SIRT2: variants seen among roughly 807,000 people sequenced by gnomAD.
The protein encoded by SIRT2 is sirtuin 2, also known as NAD-dependent protein deacetylase sirtuin-2.
In SIRT2, 40 loss-of-function variants were observed where a neutral mutation model predicts 57.4. The ratio of observed to expected loss-of-function variants is 0.70; its 90% confidence interval spans 0.54 to 0.91. The LOEUF is 0.91. SIRT2 is among the 40% of genes least tolerant of loss of function. The pLI is 0.00. For synonymous variants in SIRT2, 161 were observed against 195.7 expected, an observed-to-expected ratio of 0.82 and a Z score of 1.48; for missense variants, 439 against 510.4, an observed-to-expected ratio of 0.86 and a Z score of 1.35.
In SIRT2 at chr19:38,880,030, G is replaced by C; in HGVS notation, c.877-328C>G. On this transcript the variant is annotated intron_variant, in intron 13 of 15. Transcript: ENST00000249396. The surrounding 1 kb of genome is among the most constrained non-coding windows in gnomAD (Gnocchi z 4.1). ...AGTAGAGACGGGGTTTCACCATGTTGGTCAGGCTGGTCTCGAACTCCTGAC... is the reference window on the plus strand; with the variant it reads ...AGTAGAGACGGGGTTTCACCATGTTCGTCAGGCTGGTCTCGAACTCCTGAC... 3.8e-6 allele frequency: 1 copy of C among 261,582 alleles called. No homozygotes were observed. The highest frequency in any genetic ancestry group is 7.4e-6 in the Non-Finnish European group (1 of 134,264). The allele number at this position is 261,582 out of a possible 1,614,324, so 16.2% of individuals were successfully genotyped here. A position where few individuals can be genotyped will look rare whatever the true frequency, so the allele number is the denominator to read the frequency against.
chr19:38,899,527 C>T lies in SIRT2; in HGVS notation c.-6G>A, dbSNP rs376254464. ...TCACGGTCTGGCTCTGCCATGGGCGCGGTGCTGAAGCCCTTGAGGCTGTCA... is the reference window on the plus strand; with the variant it reads ...TCACGGTCTGGCTCTGCCATGGGCGTGGTGCTGAAGCCCTTGAGGCTGTCA... On this transcript the variant is annotated 5_prime_UTR_variant, in exon 1 of 16. Transcript: ENST00000249396. 7 of 1,613,802 alleles carry T rather than the reference C, an allele frequency of 4.3e-6. No homozygotes were observed. Among genetic ancestry groups the T allele is most frequent in the South Asian group, 1.1e-5 (1 of 91,082 alleles).
chr19:38,891,275 C>G (rs1429095692), intron 4 of SIRT2, among the ~76,000 whole-genome samples: 1 of 152,120 alleles, frequency 6.6e-6, no homozygotes, highest in East Asian at 1.9e-4. Context: ...AGGGCCGGGC[C>G]CGGTGGCTCA....
Position 38,880,692 on chromosome 19 carries a change from G to T in SIRT2, c.869C>A (p.Ala290Asp). Reference protein sequence around the residue: ...TPRLLINKEKAGQSDPFLGMI... With the variant: ...TPRLLINKEKDGQSDPFLGMI... ...TTGAAGAAGGGCTCTTACCTGGCCAGCTTTCTCCTTGTTGATGAGCAGGCG... is the reference window on the plus strand; with the variant it reads ...TTGAAGAAGGGCTCTTACCTGGCCATCTTTCTCCTTGTTGATGAGCAGGCG... The change falls in exon 13 of 16, where the codon GCT becomes GAT. Residue 290 changes from alanine to aspartate, a missense_variant. Ala to Asp is a moderately radical substitution (Grantham distance 126). Coordinates refer to ENST00000249396, the MANE Select transcript of SIRT2 (RefSeq NM_012237.4). This position sits in a 1 kb window ranked among gnomAD's most constrained non-coding sequence, Gnocchi z 4.1. 1 of 1,572,154 alleles carries T rather than the reference G, an allele frequency of 6.4e-7. No individual in the cohort carries two copies. The highest frequency in any genetic ancestry group is 1.8e-5 in the Admixed American group (1 of 54,908).
intron 8 of SIRT2, among the ~76,000 whole-genome samples, chr19:38,887,749 T>TTTTG (rs559006715): frequency 6.6e-6 from 1 of 152,066 alleles, no homozygotes; most frequent in South Asian, 2.1e-4. Flanking sequence ...TACCACTCTT[T>TTTTG]TTTGTTTGTT....
intron 8 of SIRT2, among the ~76,000 whole-genome samples, chr19:38,884,827 G>A (rs1212783811): frequency 1.3e-5 from 2 of 152,048 alleles, no homozygotes; most frequent in African/African-American, 4.8e-5. Flanking sequence ...GCTCACTGCA[G>A]CCTCCAACTC....
At chr19:38,884,919 G>A (rs1304389208) in intron 8 of SIRT2, among the ~76,000 whole-genome samples, 2 of 150,748 alleles carry the variant, frequency 1.3e-5, no homozygotes, top group African/African-American at 2.4e-5. Context: ...GTCTCACTAT[G>A]TTGCCCAGGC....
rs1235101358 is a variant in SIRT2 at position 38,879,721 on chromosome 19, G to A, written c.877-19C>T. ...GGTCCGACTGTCAGGGAGGGGGTGG[G>A]TCAGGGGCAGGAGCAGGGAAGGGAG... On this transcript the variant is annotated intron_variant, in intron 13 of 15. Coordinates refer to ENST00000249396, the MANE Select transcript of SIRT2 (RefSeq NM_012237.4). The A allele has an allele frequency of 2.6e-6, 4 of 1,553,840 alleles. No homozygotes were observed. The highest frequency in any genetic ancestry group is 2.7e-5 in the African/African-American group (2 of 73,330).
chr19:38,898,543 G>C, intron 1 of SIRT2, 118 bp from the exon 2 acceptor site: 1 of 444,726 alleles, frequency 2.2e-6, no homozygotes, highest in Non-Finnish European at 4.0e-6. Flanking sequence ...ACTGGGATGG[G>C]ATGGTGGTAA....
At position 38,878,896 on chromosome 19, in the gene SIRT2, A is replaced by G. The variant is rs1973024536; in HGVS notation, c.*259T>C. 9.8e-6 allele frequency: 4 copies of G among 408,602 alleles called. No homozygotes were observed. Among genetic ancestry groups the G allele is most frequent in the Non-Finnish European group, 1.7e-5 (4 of 232,084 alleles). 25.3% of individuals were successfully genotyped at this position (408,602 alleles called of 1,614,324 possible). On this transcript the variant is annotated 3_prime_UTR_variant, in exon 16 of 16. Coordinates refer to ENST00000249396, the MANE Select transcript of SIRT2 (RefSeq NM_012237.4). ...GGGGCAGTTAGAGATGAGGGAGGTT[A>G]CTCCTTAGCCCAGGAGTGGTTAGAG...
At chr19:38,889,411 C>T in intron 7 of SIRT2, 1 of 693,844 alleles carries the variant, frequency 1.4e-6, no homozygotes. Context: ...AGCCCGGCTG[C>T]AGGGTCCCGG....
At chr19:38,888,968 G>GCCCCGCATTGCTGGAGT in intron 8 of SIRT2, 119 bp downstream of exon 8, 1 of 847,108 alleles carries the variant, frequency 1.2e-6, no homozygotes, top group South Asian at 1.5e-5. Context: ...CCAAGCCCTG[G>GCCCCGCATTGCTGGAGT]CCCCGCATTG....
intron 7 of SIRT2, chr19:38,889,430 C>G: frequency 1.5e-6 from 1 of 672,336 alleles, no homozygotes; most frequent in Admixed American, 2.3e-5. Context: ...GGGCTCTCAA[C>G]GGCATCATTA....
intron 8 of SIRT2, among the ~76,000 whole-genome samples, chr19:38,885,285 G>C (rs1303513307): frequency 2.0e-5 from 3 of 151,648 alleles, no homozygotes; most frequent in Non-Finnish European, 2.9e-5. Flanking sequence ...TTGTAGAGAT[G>C]GGGGGTGGGG....
chr19:38,889,566 TG>T (rs1164718397), intron 7 of SIRT2, 122 bp downstream of exon 7: 1 of 1,107,418 alleles, frequency 9.0e-7, no homozygotes, highest in Non-Finnish European at 1.3e-6. Context: ...CGAGGCAGTC[TG>T]GGCCCAGCAC....
chr19:38,885,033 T>G (rs1003498610), intron 8 of SIRT2, among the ~76,000 whole-genome samples: 10 of 152,140 alleles, frequency 6.6e-5, no homozygotes, highest in Non-Finnish European at 1.3e-4. Flanking sequence ...TCCCCTTTAG[T>G]AGCCAGGGTC....
rs1197160520 is a variant in SIRT2, at chr19:38,878,917, TAG to T, written c.*236_*237del. On this transcript the variant is annotated 3_prime_UTR_variant, in exon 16 of 16. Transcript: ENST00000249396. ...GGTTACTCCTTAGCCCAGGAGTGGTTAGAGACAGTGGGGCTGGTAGAGATGCC... is the reference window on the plus strand; with the variant it reads ...GGTTACTCCTTAGCCCAGGAGTGGTTAGACAGTGGGGCTGGTAGAGATGCC... 2 of 493,686 alleles carry T rather than the reference TAG, an allele frequency of 4.1e-6. No homozygotes were observed. Among genetic ancestry groups the T allele is most frequent in the Non-Finnish European group, 7.1e-6 (2 of 282,816 alleles). The allele number at this position is 493,686 out of a possible 1,614,324, so 30.6% of individuals were successfully genotyped here. A position where few individuals can be genotyped will look rare whatever the true frequency, so the allele number is the denominator to read the frequency against.
chr19:38,889,887 G>C lies in SIRT2; in HGVS notation c.343C>G (p.Pro115Ala), dbSNP rs1973470796. 6.2e-7 allele frequency: 1 copy of C among 1,614,146 alleles called. No homozygotes were observed. Among genetic ancestry groups the C allele is most frequent in the Non-Finnish European group, 8.5e-7 (1 of 1,179,978 alleles). ...DNLEKYHLPY[P>A]EAIFEISYFK... is the part of the protein sequence containing the mutation. ...TAGCTGATCTCAAAGATGGCCTCTG[G>C]GTAGGGAAGATGGTACTTCTCTAGG... Residue 115 changes from proline to alanine, a missense_variant, in exon 6 of 16, where the codon CCA (proline) becomes GCA (alanine). Pro to Ala is a conservative substitution (Grantham distance 27, BLOSUM62 -1). Transcript: ENST00000249396.
At chr19:38,881,254 G>A (rs904511762) in intron 10 of SIRT2, 99 bp from the exon 11 acceptor site, 24 of 1,278,938 alleles carry the variant, frequency 1.9e-5, no homozygotes, top group Non-Finnish European at 2.5e-5. Flanking sequence ...GTGGGAGTTG[G>A]GAGCAGTGGG....
At chr19:38,897,647 C>T (rs1001645083) in intron 2 of SIRT2, among the ~76,000 whole-genome samples, 2 of 152,108 alleles carry the variant, frequency 1.3e-5, no homozygotes, top group Non-Finnish European at 2.9e-5. Context: ...AACTCAGCCT[C>T]CTGAGTAGCT....
Sources: allele counts gnomAD v4.1 joint callset (sites outside exome capture counted in the v4.1 genomes callset), GRCh38; gene constraint gnomAD v4.1.1; non-coding constraint Gnocchi (gnomAD v3.1); transcripts MANE v1.5; gene names NCBI Gene and HGNC (gene_info 2026-07-23, HGNC 2026-07-21).